The following PRR16 variants were observed in gnomAD, a reference collection of about 807,000 sequenced individuals.
PRR16 encodes the protein proline rich 16, also known as protein Largen.
Under a neutral mutation model 18.2 loss-of-function variants are expected in PRR16, and 6 were observed. The observed-to-expected ratio is 0.33, with a 90% CI of 0.18 to 0.65. PRR16 has a LOEUF of 0.65. PRR16 is among the 30% of genes least tolerant of loss of function. The pLI is 0.74. For synonymous variants in PRR16, 151 were observed against 147.8 expected, an observed-to-expected ratio of 1.02 and a Z score of -0.16; for missense variants, 412 against 376.6, an observed-to-expected ratio of 1.09 and a Z score of -0.78.
At chr5:120,722,167 A>C in the PRR16 span, among the ~76,000 whole-genome samples, 46 of 151,892 alleles carry the variant, frequency 3.0e-4, no homozygotes, top group Non-Finnish European at 5.7e-4. Flanking sequence ...TGATGGTTTC[A>C]GGCTTCATCC....
At chr5:120,588,835 T>G (rs1039406039) in intron 1 of PRR16, among the ~76,000 whole-genome samples, 2 of 151,632 alleles carry the variant, frequency 1.3e-5, no homozygotes, top group Non-Finnish European at 3.0e-5. Flanking sequence ...TTTTCTCTGT[T>G]CCTAATTTCA....
intron 1 of PRR16, among the ~76,000 whole-genome samples, chr5:120,482,917 T>C (rs1292294335): frequency 6.6e-6 from 1 of 152,228 alleles, no homozygotes; most frequent in East Asian, 1.9e-4. Flanking sequence ...GAGTTTTCAG[T>C]GTCTGAACAA....
intron 1 of PRR16, among the ~76,000 whole-genome samples, chr5:120,641,538 G>A (rs1177103577): frequency 3.9e-5 from 6 of 151,954 alleles, no homozygotes; most frequent in Non-Finnish European, 7.4e-5. Context: ...TCATCACACT[G>A]CCCTGCATGA....
chr5:120,568,154 G>A (rs989981295), intron 1 of PRR16, among the ~76,000 whole-genome samples: 9 of 152,158 alleles, frequency 5.9e-5, no homozygotes, highest in African/African-American at 2.2e-4. Context: ...GGAGAACCCG[G>A]AAAAACGGAC....
chr5:120,612,539 G>T (rs966891219), intron 1 of PRR16, among the ~76,000 whole-genome samples: 1 of 151,936 alleles, frequency 6.6e-6, no homozygotes, highest in Non-Finnish European at 1.5e-5. Flanking sequence ...TATCTGAAGG[G>T]TTTATCAGGC....
At chr5:120,782,563 C>A in the PRR16 span, among the ~76,000 whole-genome samples, 1 of 152,056 alleles carries the variant, frequency 6.6e-6, no homozygotes, top group Non-Finnish European at 1.5e-5. Flanking sequence ...CCCTCTATCT[C>A]AGTGGGGACC....
chr5:120,555,676 A>G (rs1294893834), intron 1 of PRR16, among the ~76,000 whole-genome samples: 1 of 151,886 alleles, frequency 6.6e-6, no homozygotes, highest in Non-Finnish European at 1.5e-5. Flanking sequence ...CTTTGGGGTT[A>G]GGGCTTCAAC....
At chr5:120,781,363 G>C in the PRR16 span, 1 of 152,106 alleles carries the variant, frequency 6.6e-6, no homozygotes, top group African/African-American at 2.4e-5. Flanking sequence ...GTAGACCTGG[G>C]TATTTTTATG....
At chr5:120,715,444 T>C in the PRR16 span, among the ~76,000 whole-genome samples, 14 of 152,338 alleles carry the variant, frequency 9.2e-5, no homozygotes, top group Middle Eastern at 3.4e-3. Context: ...TAAGCTATAA[T>C]TGAATGCTTC....
At chr5:120,595,128 C>G (rs1561564466) in intron 1 of PRR16, among the ~76,000 whole-genome samples, 1 of 151,976 alleles carries the variant, frequency 6.6e-6, no homozygotes, top group Non-Finnish European at 1.5e-5. Context: ...TCTAATTAAA[C>G]CAAAGAGCTT....
chr5:120,770,177 A>T, the PRR16 span, among the ~76,000 whole-genome samples: 1 of 151,950 alleles, frequency 6.6e-6, no homozygotes, highest in Non-Finnish European at 1.5e-5. Context: ...GAGTCATCCC[A>T]CTTCCGGATT....
chr5:120,750,331 G>A, the PRR16 span, among the ~76,000 whole-genome samples: 440 of 152,026 alleles, frequency 2.9e-3, 4 homozygotes, highest in African/African-American at 9.8e-3. Flanking sequence ...CTTTTACCCC[G>A]TCAACATATT....
chr5:120,704,998 T>A, the PRR16 span, among the ~76,000 whole-genome samples: 1 of 152,082 alleles, frequency 6.6e-6, no homozygotes, highest in African/African-American at 2.4e-5. Flanking sequence ...TTAAGATTAG[T>A]TTAGAGTGGG....
the PRR16 span, among the ~76,000 whole-genome samples, chr5:120,754,508 A>ACTT: frequency 1.4e-5 from 1 of 69,546 alleles, no homozygotes; most frequent in South Asian, 4.8e-4. Context: ...TTTATTATGT[A>ACTT]TATTATATAT....
chr5:120,636,404 G>A (rs918826954), intron 1 of PRR16, among the ~76,000 whole-genome samples: 2 of 152,092 alleles, frequency 1.3e-5, no homozygotes, highest in African/African-American at 4.8e-5. Flanking sequence ...CACCAAAACA[G>A]CATAGTAGCA....
At chr5:120,530,355 TTTCCCGGAG>T (rs1751512633) in intron 1 of PRR16, among the ~76,000 whole-genome samples, 1 of 149,116 alleles carries the variant, frequency 6.7e-6, no homozygotes, top group African/African-American at 2.5e-5. Context: ...AGCAGAATTC[TTTCCCGGAG>T]TAAGCTGTCA....
rs922802883 is a variant in PRR16, at chr5:120,577,878, G to T, written c.160-108076G>T. ...TTTTTACAGATTTGGAAACCTATGA[G>T]GTTACTAACTTACTTAAGTTCACAC... is the stretch of plus-strand genomic sequence containing the variant. On this transcript the variant is annotated intron_variant, in intron 1 of 1. Transcript: ENST00000407149. Among the ~76,000 whole-genome samples the T allele has an allele frequency of 2.6e-5, 4 of 152,114 alleles. No homozygotes were observed. In the South Asian group the frequency reaches 6.2e-4, roughly 24 times the overall value.
chr5:120,626,326 A>T (rs980889178), intron 1 of PRR16, among the ~76,000 whole-genome samples: 14 of 152,300 alleles, frequency 9.2e-5, no homozygotes, highest in Admixed American at 9.2e-4. Context: ...TGAACCACAA[A>T]AAAAGCCCCA....
intron 1 of PRR16, among the ~76,000 whole-genome samples, chr5:120,663,640 A>C (rs1435424196): frequency 1.3e-5 from 2 of 152,184 alleles, no homozygotes; most frequent in Non-Finnish European, 2.9e-5. Flanking sequence ...GAAGTTAAGG[A>C]AAATGAGCTT....
Sources: allele counts gnomAD v4.1 joint callset (sites outside exome capture counted in the v4.1 genomes callset), GRCh38; gene constraint gnomAD v4.1.1; transcripts MANE v1.5; gene names NCBI Gene and HGNC (gene_info 2026-07-23, HGNC 2026-07-21).